Variants in PHTF2 observed in about 807,000 individuals in gnomAD.
PHTF2 encodes protein PHTF2.
A neutral mutation model predicts 101.2 loss-of-function variants in PHTF2; 60 were observed. The observed-to-expected ratio is 0.59, with a 90% CI of 0.48 to 0.73. PHTF2 has a LOEUF of 0.73. Ranked by LOEUF, PHTF2 falls within the 30% of genes least tolerant of loss-of-function variation. The pLI, the probability that PHTF2 is intolerant of heterozygous loss-of-function variation, is 0.00. For synonymous variants in PHTF2, 311 were observed against 307.3 expected (o/e 1.01, Z -0.13); for missense variants, 747 against 908.7 (o/e 0.82, Z 2.29).
At chr7:77,818,657 C>T (rs185668943) in intron 1 of PHTF2, among the ~76,000 whole-genome samples, 6 of 152,254 alleles carry the variant, frequency 3.9e-5, no homozygotes, top group Non-Finnish European at 5.9e-5. Flanking sequence ...TTGGTTACTA[C>T]GGCTTTGTAG....
chr7:77,893,545 A>C, intron 3 of PHTF2, 63 bp from the exon 3 acceptor site: 1 of 664,732 alleles, frequency 1.5e-6, no homozygotes, highest in Non-Finnish European at 2.7e-6. Context: ...TATTTCAAGC[A>C]GAGTTATACC....
rs1806087899 is a variant in PHTF2, at chr7:77,946,865, T to TG, written c.1960-2813_1960-2812insG. Among the ~76,000 whole-genome samples the TG allele has an allele frequency of 4.2e-4, 63 of 151,788 alleles. 1 individual carries two copies. Among genetic ancestry groups the TG allele is most frequent in the Admixed American group, 4.1e-3 (63 of 15,220 alleles). ...GGCCAGGGACAGTGACTCATGGTTATAATCTTAGCACTTTGGAAGGCCAAG... is the reference window on the plus strand; with the variant it reads ...GGCCAGGGACAGTGACTCATGGTTATGAATCTTAGCACTTTGGAAGGCCAAG... On this transcript the variant is annotated intron_variant, in intron 16 of 19. Coordinates refer to ENST00000416283, the Ensembl canonical transcript of PHTF2.
chr7:77,856,436 A>G (rs925672360), intron 3 of PHTF2, among the ~76,000 whole-genome samples: 1 of 151,926 alleles, frequency 6.6e-6, no homozygotes, highest in Non-Finnish European at 1.5e-5. Flanking sequence ...TCTCACTGTA[A>G]CCTAGAACTT....
chr7:77,835,135 G>A (rs1383707273), intron 1 of PHTF2, among the ~76,000 whole-genome samples: 3 of 151,944 alleles, frequency 2.0e-5, no homozygotes, highest in African/African-American at 4.8e-5. Flanking sequence ...TTAGCCAGGC[G>A]TGGTGGTGGG....
chr7:77,912,906 C>T (rs949962616), intron 9 of PHTF2, among the ~76,000 whole-genome samples: 11 of 151,230 alleles, frequency 7.3e-5, no homozygotes, highest in Non-Finnish European at 5.9e-5. Flanking sequence ...CTAAGAGAAC[C>T]ACTATTTTAA....
At chr7:77,802,078 G>T (rs1792604008) in intron 1 of PHTF2, among the ~76,000 whole-genome samples, 1 of 152,182 alleles carries the variant, frequency 6.6e-6, no homozygotes, top group Admixed American at 6.5e-5. Context: ...AGCCTTAAAG[G>T]TCTGAAGGTG....
At chr7:77,862,900 G>A (rs1219419075) in intron 3 of PHTF2, among the ~76,000 whole-genome samples, 1 of 152,156 alleles carries the variant, frequency 6.6e-6, no homozygotes, top group African/African-American at 2.4e-5. Flanking sequence ...TAGTTAACCT[G>A]CTGTATGTTT....
At chr7:77,910,906 C>T (rs892118344) in intron 9 of PHTF2, among the ~76,000 whole-genome samples, 13 of 152,152 alleles carry the variant, frequency 8.5e-5, no homozygotes, top group Admixed American at 3.3e-4. Flanking sequence ...CGAACCCGGC[C>T]AGGATTTCTT....
In PHTF2 at chr7:77,953,767, A is replaced by T; in HGVS notation, c.2212-2A>T. On this transcript the variant is annotated splice_acceptor_variant, in intron 18 of 19. Transcript: ENST00000416283. LOFTEE classifies it high-confidence loss of function. ...GACTGACTTTTTTTTCTCTTCTGCT[A>T]GGAGTTGGACAGTCCTTTTAGATTA... The T allele has an allele frequency of 6.2e-7, 1 of 1,608,392 alleles. No individual in the cohort carries two copies. Among genetic ancestry groups the T allele is most frequent in the Non-Finnish European group, 8.5e-7 (1 of 1,177,376 alleles).
intron 7 of PHTF2, among the ~76,000 whole-genome samples, chr7:77,905,089 C>T (rs1242817905): frequency 6.6e-6 from 1 of 152,148 alleles, no homozygotes; most frequent in Non-Finnish European, 1.5e-5. Context: ...CCAGGGAAGC[C>T]AAAAGATTGG....
At chr7:77,846,686 A>G (rs993734971) in intron 2 of PHTF2, among the ~76,000 whole-genome samples, 1 of 145,368 alleles carries the variant, frequency 6.9e-6, no homozygotes, top group Non-Finnish European at 1.5e-5. Context: ...TCTGTCACTC[A>G]GGCTGTTGTG....
chr7:77,921,313 A>G (rs780046438), intron 10 of PHTF2, among the ~76,000 whole-genome samples: 4 of 152,234 alleles, frequency 2.6e-5, no homozygotes, highest in Non-Finnish European at 4.4e-5. Context: ...GTTTTATTGT[A>G]ACAAAGCTTA....
At chr7:77,929,727 T>C (rs1804387353) in intron 12 of PHTF2, among the ~76,000 whole-genome samples, 1 of 152,178 alleles carries the variant, frequency 6.6e-6, no homozygotes, top group African/African-American at 2.4e-5. Flanking sequence ...AATGGAAATA[T>C]TATGAGAGTC....
chr7:77,931,003 CAGAAAT>C (rs556570118), intron 12 of PHTF2, among the ~76,000 whole-genome samples: 449 of 152,152 alleles, frequency 3.0e-3, no homozygotes, highest in African/African-American at 9.9e-3. Context: ...ATAGAAAACT[CAGAAAT>C]AGACATTTGT....
intron 1 of PHTF2, among the ~76,000 whole-genome samples, chr7:77,815,255 T>A (rs1203475614): frequency 6.6e-6 from 1 of 152,174 alleles, no homozygotes; most frequent in Non-Finnish European, 1.5e-5. Context: ...CAGATTTTTC[T>A]CTGCTTTGTG....
At chr7:77,861,416 T>G (rs1223694763) in intron 3 of PHTF2, among the ~76,000 whole-genome samples, 1 of 151,708 alleles carries the variant, frequency 6.6e-6, no homozygotes, top group Non-Finnish European at 1.5e-5. Context: ...TTCTGGGTAT[T>G]TTTTTTTAAA....
chr7:77,938,230 T>TA (rs1805322340), intron 13 of PHTF2, among the ~76,000 whole-genome samples: 1 of 152,190 alleles, frequency 6.6e-6, no homozygotes, highest in Admixed American at 6.5e-5. Flanking sequence ...GTATCATTCT[T>TA]ACTGGTTCAT....
chr7:77,860,734 C>T (rs1377952684), intron 3 of PHTF2, among the ~76,000 whole-genome samples: 1 of 151,688 alleles, frequency 6.6e-6, no homozygotes, highest in African/African-American at 2.4e-5. Flanking sequence ...TTTTTTGAGG[C>T]AGGCTCTCAC....
chr7:77,904,766 GTC>G (rs1801705081), intron 7 of PHTF2, among the ~76,000 whole-genome samples: 1 of 152,234 alleles, frequency 6.6e-6, no homozygotes, highest in Non-Finnish European at 1.5e-5. Flanking sequence ...TCCAAACGTA[GTC>G]ACATTGTGGG....
Sources: allele counts gnomAD v4.1 joint callset (sites outside exome capture counted in the v4.1 genomes callset), GRCh38; gene constraint gnomAD v4.1.1; transcripts MANE v1.5; gene names NCBI Gene and HGNC (gene_info 2026-07-23, HGNC 2026-07-21).